The following CFAP157 variants were observed in gnomAD, a reference collection of about 807,000 sequenced individuals.
The protein encoded by CFAP157 is cilia and flagella associated protein 157, also known as cilia- and flagella-associated protein 157.
Under a neutral mutation model 57.8 loss-of-function variants are expected in CFAP157, and 43 were observed. The observed-to-expected ratio is 0.74, with a 90% CI of 0.58 to 0.96. The LOEUF is 0.96. Ranked by LOEUF, CFAP157 falls within the 40% of genes least tolerant of loss-of-function variation. The pLI is 0.00. For synonymous variants in CFAP157, 267 were observed against 269.0 expected (o/e 0.99, Z 0.07); for missense variants, 606 against 655.3 (o/e 0.92, Z 0.82).
intron 1 of CFAP157, among the ~76,000 whole-genome samples, chr9:127,708,819 A>C (rs1842702641): frequency 6.6e-6 from 1 of 152,262 alleles, no homozygotes; most frequent in South Asian, 2.1e-4. Flanking sequence ...TCCACTGAGG[A>C]GAAAACACCA....
Position 127,715,632 on chromosome 9 carries a change from G to T in CFAP157, c.*1727G>T, listed in dbSNP as rs751374882. 4 of 1,611,992 alleles carry T rather than the reference G, an allele frequency of 2.5e-6. No homozygotes were observed. In the East Asian group the frequency reaches 6.7e-5, roughly 27 times the overall value. ...CTGTCCGGCGCCCAAAAAGCCGCCCGGCCTCATGCTGCCCCCATTCACTCC... is the reference window on the plus strand; with the variant it reads ...CTGTCCGGCGCCCAAAAAGCCGCCCTGCCTCATGCTGCCCCCATTCACTCC... On this transcript the variant is annotated 3_prime_UTR_variant, in exon 9 of 9. Coordinates refer to ENST00000373295, the MANE Select transcript of CFAP157 (RefSeq NM_001012502.3). The surrounding 1 kb of genome is among the most constrained non-coding windows in gnomAD (Gnocchi z 5.8).
chr9:127,711,579 G>T, intron 4 of CFAP157, 83 bp downstream of exon 4: 1 of 1,524,440 alleles, frequency 6.6e-7, no homozygotes, highest in South Asian at 1.3e-5. Context: ...TAGAGTCAGG[G>T]GCAGTCAAGT....
chr9:127,714,369 G>A lies in CFAP157; in HGVS notation c.*464G>A. 3.1e-6 allele frequency: 5 copies of A among 1,614,232 alleles called. No individual in the cohort carries two copies. The highest frequency in any genetic ancestry group is 2.2e-5 in the South Asian group (2 of 91,082). ...CCCGACCCAGTTGCACAACAAAAGG[G>A]TAGACTCACATTGGAGTTGAGGCAG... On this transcript the variant is annotated 3_prime_UTR_variant, in exon 9 of 9. Transcript: ENST00000373295.
In CFAP157 at chr9:127,712,385, G is replaced by C. The variant is rs895682992; in HGVS notation, c.1137+36G>C. ...GGGAGAGAGGGAGGGCGCAAGGGGA[G>C]GGGGAGTGAGCGCAAGATGGAAGCT... On this transcript the variant is annotated intron_variant, in intron 6 of 8. Transcript: ENST00000373295. 2.5e-6 allele frequency: 4 copies of C among 1,609,418 alleles called. No individual in the cohort carries two copies. The Admixed American group carries it at 5.0e-5, about 20-fold the overall frequency.
At chr9:127,712,925 C>T in intron 7 of CFAP157, 50 bp downstream of exon 7, 1 of 1,589,662 alleles carries the variant, frequency 6.3e-7, no homozygotes, top group South Asian at 1.1e-5. Context: ...GAGAGCAGGG[C>T]AAAGGCATTC....
rs1472301439 is a variant in CFAP157 at position 127,715,221 on chromosome 9, G to A, written c.*1316G>A. 1 of 1,524,374 alleles carries A rather than the reference G, an allele frequency of 6.6e-7. No individual in the cohort carries two copies. The allele number at this position is 1,524,374 out of a possible 1,614,324, so 94.4% of individuals were successfully genotyped here. A position where few individuals can be genotyped will look rare whatever the true frequency, so the allele number is the denominator to read the frequency against. ...TGCGGGCGGCACCAGGGAAACTGAG[G>A]CCCAACAACTCTCGCCACCCCCGAT... is the stretch of plus-strand genomic sequence containing the variant. On this transcript the variant is annotated 3_prime_UTR_variant, in exon 9 of 9. Coordinates refer to ENST00000373295, the MANE Select transcript of CFAP157 (RefSeq NM_001012502.3). This position sits in a 1 kb window ranked among gnomAD's most constrained non-coding sequence, Gnocchi z 5.8.
rs761446993 is a variant in CFAP157 at position 127,715,638 on chromosome 9, A to C, written c.*1733A>C. On this transcript the variant is annotated 3_prime_UTR_variant, in exon 9 of 9. Transcript: ENST00000373295. The surrounding 1 kb of genome is among the most constrained non-coding windows in gnomAD (Gnocchi z 5.8). ...GGCGCCCAAAAAGCCGCCCGGCCTCATGCTGCCCCCATTCACTCCGACACC... is the reference window on the plus strand; with the variant it reads ...GGCGCCCAAAAAGCCGCCCGGCCTCCTGCTGCCCCCATTCACTCCGACACC... 3.2e-5 allele frequency: 51 copies of C among 1,611,510 alleles called. No homozygotes were observed. Among genetic ancestry groups the C allele is most frequent in the East Asian group, 4.5e-5 (2 of 44,878 alleles).
chr9:127,715,287 C>A lies in CFAP157; in HGVS notation c.*1382C>A. ...GGGCCCCAACGCAGAGGAGCGGAAA[C>A]GCAGAGCAACGCTGCAGTGGGGAAG... On this transcript the variant is annotated 3_prime_UTR_variant, in exon 9 of 9. Coordinates refer to ENST00000373295, the MANE Select transcript of CFAP157 (RefSeq NM_001012502.3). The surrounding 1 kb of genome is among the most constrained non-coding windows in gnomAD (Gnocchi z 5.8). 3 of 1,391,652 alleles carry A rather than the reference C, an allele frequency of 2.2e-6. No homozygotes were observed. The highest frequency in any genetic ancestry group is 3.0e-6 in the Non-Finnish European group (3 of 1,015,170). The allele number at this position is 1,391,652 out of a possible 1,614,324, so 86.2% of individuals were successfully genotyped here.
Position 127,715,888 on chromosome 9 carries a change from G to C in CFAP157, c.*1983G>C, listed in dbSNP as rs1433118638. Reference sequence around the variant, plus strand: ...GCTCGGAGCTCTTGCTTGACCTTCGGTTGGGAGGCCTTGTTATGCCCCCCG... The same window carrying C: ...GCTCGGAGCTCTTGCTTGACCTTCGCTTGGGAGGCCTTGTTATGCCCCCCG... On this transcript the variant is annotated 3_prime_UTR_variant, in exon 9 of 9. Coordinates refer to ENST00000373295, the MANE Select transcript of CFAP157 (RefSeq NM_001012502.3). This position sits in a 1 kb window ranked among gnomAD's most constrained non-coding sequence, Gnocchi z 5.8. 3.7e-6 allele frequency: 3 copies of C among 811,776 alleles called. No homozygotes were observed. The highest frequency in any genetic ancestry group is 5.7e-6 in the Non-Finnish European group (3 of 526,088). 50.3% of individuals were successfully genotyped at this position (811,776 alleles called of 1,614,324 possible).
chr9:127,710,059 G>C (rs1196305502), intron 2 of CFAP157, among the ~76,000 whole-genome samples: 1 of 152,158 alleles, frequency 6.6e-6, no homozygotes, highest in Non-Finnish European at 1.5e-5. Context: ...GATTGCTTGA[G>C]CCCAGGAGCT....
chr9:127,710,482 C>A, intron 2 of CFAP157, 119 bp from the exon 3 acceptor site: 1 of 1,275,442 alleles, frequency 7.8e-7, no homozygotes, highest in Non-Finnish European at 1.1e-6. Flanking sequence ...ACCTGCCCCA[C>A]TGAGACCACA....
chr9:127,715,862 C>T lies in CFAP157; in HGVS notation c.*1957C>T. ...GTGTCCCTTCGGGACTTGTGTGGGACGCTCGGAGCTCTTGCTTGACCTTCG... is the reference window on the plus strand; with the variant it reads ...GTGTCCCTTCGGGACTTGTGTGGGATGCTCGGAGCTCTTGCTTGACCTTCG... On this transcript the variant is annotated 3_prime_UTR_variant, in exon 9 of 9. Coordinates refer to ENST00000373295, the MANE Select transcript of CFAP157 (RefSeq NM_001012502.3). This position sits in a 1 kb window ranked among gnomAD's most constrained non-coding sequence, Gnocchi z 5.8. 1.1e-6 allele frequency: 1 copy of T among 908,862 alleles called. No homozygotes were observed. The highest frequency in any genetic ancestry group is 2.6e-5 in the East Asian group (1 of 37,958). 56.3% of individuals were successfully genotyped at this position (908,862 alleles called of 1,614,324 possible).
rs763026088 is a variant in CFAP157 at position 127,712,254 on chromosome 9, C to T, written c.1042C>T (p.Arg348Trp). 77 of 1,613,774 alleles carry T rather than the reference C, an allele frequency of 4.8e-5. No homozygotes were observed. In the East Asian group the frequency reaches 1.4e-3, roughly 29 times the overall value. The change falls in exon 6 of 9, where the codon CGG becomes TGG. Residue 348 changes from arginine to tryptophan, a missense_variant. Coordinates refer to ENST00000373295, the MANE Select transcript of CFAP157 (RefSeq NM_001012502.3). ...QLEQQQVDLQ[R>W]LQQELANEQK... ...GGAGCAGCAGCAGGTGGATTTGCAGCGGCTACAGCAGGAACTGGCTAATGA... is the reference window on the plus strand; with the variant it reads ...GGAGCAGCAGCAGGTGGATTTGCAGTGGCTACAGCAGGAACTGGCTAATGA...
At position 127,709,621 on chromosome 9, in the gene CFAP157, G is replaced by A; in HGVS notation, c.361G>A (p.Ala121Thr). The A allele has an allele frequency of 6.2e-7, 1 of 1,613,870 alleles. No homozygotes were observed. The highest frequency in any genetic ancestry group is 8.5e-7 in the Non-Finnish European group (1 of 1,180,024). Residue 121 changes from alanine to threonine, a missense_variant, in exon 2 of 9, where the codon GCG becomes ACG. Physicochemically the swap from Ala to Thr is moderately conservative, Grantham distance 58. Coordinates refer to ENST00000373295, the MANE Select transcript of CFAP157 (RefSeq NM_001012502.3). The surrounding 1 kb of genome is among the most constrained non-coding windows in gnomAD (Gnocchi z 4.7). ...AKEMEKDAFE[A>T]QLAQVRHEFQ... is the part of the protein sequence containing the mutation. Reference sequence around the variant, plus strand: ...AGAGATGGAGAAGGATGCCTTCGAGGCGCAGCTGGCCCAGGTGCGCCACGA... The same window carrying A: ...AGAGATGGAGAAGGATGCCTTCGAGACGCAGCTGGCCCAGGTGCGCCACGA...
rs1349842036 is a variant in CFAP157, at chr9:127,715,260, G to A, written c.*1355G>A. The A allele has an allele frequency of 6.1e-6, 9 of 1,480,970 alleles. No homozygotes were observed. The highest frequency in any genetic ancestry group is 8.2e-6 in the Non-Finnish European group (9 of 1,097,156). The allele number at this position is 1,480,970 out of a possible 1,614,324, so 91.7% of individuals were successfully genotyped here. ...GCCACCCCCGATCTCACAGCGTCCC[G>A]TGGGCCCCAACGCAGAGGAGCGGAA... On this transcript the variant is annotated 3_prime_UTR_variant, in exon 9 of 9. Coordinates refer to ENST00000373295, the MANE Select transcript of CFAP157 (RefSeq NM_001012502.3). The surrounding 1 kb of genome is among the most constrained non-coding windows in gnomAD (Gnocchi z 5.8).
At chr9:127,711,192 T>G (rs1564365941) in intron 3 of CFAP157, 37 bp from the exon 4 acceptor site, 2 of 1,601,684 alleles carry the variant, frequency 1.2e-6, no homozygotes, top group Non-Finnish European at 1.7e-6. Flanking sequence ...TTGTGCCCGC[T>G]CTGTCTGACC....
At position 127,715,998 on chromosome 9, in the gene CFAP157, C is replaced by A. The variant is rs1389171695; in HGVS notation, c.*2093C>A. ...CTCTCCAGCTAATAAAAGTTTTCTA[C>A]CTCCCTCCGGCTCAAAAAGCTTGGT... On this transcript the variant is annotated 3_prime_UTR_variant, in exon 9 of 9. Coordinates refer to ENST00000373295, the MANE Select transcript of CFAP157 (RefSeq NM_001012502.3). The surrounding 1 kb of genome is among the most constrained non-coding windows in gnomAD (Gnocchi z 5.8). The A allele has an allele frequency of 8.7e-7, 1 of 1,151,456 alleles. No homozygotes were observed. Among genetic ancestry groups the A allele is most frequent in the East Asian group, 2.3e-5 (1 of 42,624 alleles). 71.3% of individuals were successfully genotyped at this position (1,151,456 alleles called of 1,614,324 possible).
Position 127,714,195 on chromosome 9 carries a change from C to T in CFAP157, c.*290C>T. On this transcript the variant is annotated 3_prime_UTR_variant, in exon 9 of 9. Coordinates refer to ENST00000373295, the MANE Select transcript of CFAP157 (RefSeq NM_001012502.3). ...AGCAACAGAGGCAGCAGCTCCTGCT[C>T]AGCAGGGGAGAAGCAGCCCAGCACA... The T allele has an allele frequency of 6.2e-7, 1 of 1,613,916 alleles. No individual in the cohort carries two copies. The highest frequency in any genetic ancestry group is 8.5e-7 in the Non-Finnish European group (1 of 1,179,996).
At position 127,707,108 on chromosome 9, in the gene CFAP157, T is replaced by TGGTGGCCGTGGAGCCGCC; in HGVS notation, c.78_95dup (p.Val27_Pro32dup). On this transcript the variant is annotated inframe_insertion, in exon 1 of 9. Transcript: ENST00000373295. ...AAGAAAGGGGGCAAGAAGGAGCCGG[T>TGGTGGCCGTGGAGCCGCC]GGTGGCCGTGGAGCCGCCTCTGGCC... The TGGTGGCCGTGGAGCCGCC allele has an allele frequency of 1.9e-6, 3 of 1,613,786 alleles. No homozygotes were observed. The highest frequency in any genetic ancestry group is 2.5e-6 in the Non-Finnish European group (3 of 1,179,990).
Sources: allele counts gnomAD v4.1 joint callset (sites outside exome capture counted in the v4.1 genomes callset), GRCh38; gene constraint gnomAD v4.1.1; non-coding constraint Gnocchi (gnomAD v3.1); transcripts MANE v1.5; gene names NCBI Gene and HGNC (gene_info 2026-07-23, HGNC 2026-07-21).